CPNE7: variants seen among roughly 807,000 people sequenced by gnomAD.
CPNE7 encodes the protein copine 7.
In CPNE7, 78 loss-of-function variants were observed where a neutral mutation model predicts 66.5. That is an observed-to-expected ratio of 1.17 (90% confidence interval 0.98 to 1.42). The LOEUF is 1.42. Ranked by LOEUF, CPNE7 falls within the 40% of genes most tolerant of loss-of-function variation. The pLI is 0.00. For synonymous variants in CPNE7, 468 were observed against 336.7 expected (o/e 1.39, Z -4.27); for missense variants, 1,012 against 776.6 (o/e 1.30, Z -3.60).
At chr16:89,578,485 C>T (rs762677044) in intron 2 of CPNE7, among the ~76,000 whole-genome samples, 6 of 152,132 alleles carry the variant, frequency 3.9e-5, no homozygotes, top group African/African-American at 1.4e-4. Flanking sequence ...GGTGGCCGGC[C>T]GTGGTGGCTC....
chr16:89,584,404 G>C lies in CPNE7; in HGVS notation c.507+302G>C, dbSNP rs2059003676. Among the ~76,000 whole-genome samples, 1 of 152,264 alleles carries C rather than the reference G, an allele frequency of 6.6e-6. No individual in the cohort carries two copies. Among genetic ancestry groups the C allele is most frequent in the Non-Finnish European group, 1.5e-5 (1 of 68,048 alleles). On this transcript the variant is annotated intron_variant, in intron 4 of 14. Coordinates refer to ENST00000319518, the MANE Select transcript of CPNE7 (RefSeq NM_153636.3). The surrounding 1 kb of genome is among the most constrained non-coding windows in gnomAD (Gnocchi z 6.0). Reference sequence around the variant, plus strand: ...CACCCCCGAGGCCACTGTCGTGACAGGAGGAACTGGAACAGCGCGCGGTTC... The same window carrying C: ...CACCCCCGAGGCCACTGTCGTGACACGAGGAACTGGAACAGCGCGCGGTTC...
intron 14 of CPNE7, chr16:89,596,011 G>A: frequency 2.1e-6 from 1 of 481,356 alleles, no homozygotes; most frequent in Admixed American, 2.5e-5. Flanking sequence ...GGTTCTACCA[G>A]GCAAGACACA....
intron 2 of CPNE7, chr16:89,578,928 C>A: frequency 6.2e-7 from 1 of 1,613,724 alleles, no homozygotes; most frequent in Non-Finnish European, 8.5e-7. Context: ...CTGGACACTG[C>A]GCTAAGCACT....
rs2059101931 is a variant in CPNE7, at chr16:89,587,962, ACAGATACACGG to A, written c.928-711_928-701del. The stretch of plus-strand genomic sequence containing the variant: ...AGATACACGGCCCCCCGTGTTACCC[ACAGATACACGG>A]CCCCCGTGTCACCCACAGATACACG... On this transcript the variant is annotated intron_variant, in intron 9 of 14. Transcript: ENST00000319518. Among the ~76,000 whole-genome samples the A allele has an allele frequency of 2.3e-3, 17 of 7,510 alleles. 5 individuals carry two copies. The highest frequency in any genetic ancestry group is 6.1e-3 in the South Asian group (2 of 326). 4.9% of individuals were successfully genotyped at this position (7,510 alleles called of 152,430 possible).
chr16:89,591,327 C>T (rs529073254), intron 13 of CPNE7, 67 bp downstream of exon 13: 83 of 1,464,824 alleles, frequency 5.7e-5, no homozygotes, highest in African/African-American at 1.1e-4. Flanking sequence ...AGCGCGTGGA[C>T]GTCAGGGAGG....
chr16:89,575,760 G>A lies in CPNE7; in HGVS notation c.-138G>A. The A allele has an allele frequency of 1.8e-6, 1 of 549,576 alleles. No homozygotes were observed. Among genetic ancestry groups the A allele is most frequent in the Non-Finnish European group, 2.3e-6 (1 of 430,802 alleles). 34.0% of individuals were successfully genotyped at this position (549,576 alleles called of 1,614,324 possible). On this transcript the variant is annotated 5_prime_UTR_variant, in exon 1 of 15. It adds an upstream start codon to the 5' untranslated region. Transcript: ENST00000319518. ...CCCGCGCGGCGGCCGCCCGAGCCAC[G>A]TGCGCCCGCGCCCGGCAGGCGTTCA...
chr16:89,595,297 C>A (rs2059235789), intron 13 of CPNE7, 70 bp from the exon 14 acceptor site: 1 of 1,325,852 alleles, frequency 7.5e-7, no homozygotes, highest in East Asian at 2.3e-5. Flanking sequence ...TGTCTGGGGG[C>A]CCGTGGGTTG....
chr16:89,596,498 G>C lies in CPNE7; in HGVS notation c.1554G>C (p.Ala518=). ...CCATCCTCCAGGCATCCCCTGCGGC[G>C]CTGGCCAAGTGCGTGCTGGCCGAGG... The part of the protein sequence containing the change: ...FRELKNASPA[A]LAKCVLAEVP... The change falls in exon 15 of 15, where the codon GCG becomes GCC. Residue 518 remains alanine, a synonymous_variant. Coordinates refer to ENST00000319518, the MANE Select transcript of CPNE7 (RefSeq NM_153636.3). 1 of 1,608,520 alleles carries C rather than the reference G, an allele frequency of 6.2e-7. No individual in the cohort carries two copies.
intron 13 of CPNE7, among the ~76,000 whole-genome samples, chr16:89,594,519 C>G (rs1010468392): frequency 6.6e-6 from 1 of 152,016 alleles, no homozygotes. Flanking sequence ...TGGGCTCCCG[C>G]TCTGCTGCTC....
intron 14 of CPNE7, chr16:89,595,885 G>C: frequency 1.7e-6 from 1 of 596,910 alleles, no homozygotes; most frequent in Non-Finnish European, 3.2e-6. Context: ...CCCCGTTGCT[G>C]CCAACCTCTG....
intron 14 of CPNE7, 144 bp from the exon 15 acceptor site, chr16:89,596,340 C>G (rs978336277): frequency 3.5e-6 from 4 of 1,135,666 alleles, no homozygotes; most frequent in Non-Finnish European, 4.9e-6. Context: ...GCAAGTCTTG[C>G]CCGGCACCCA....
rs891502864 is a variant in CPNE7, at chr16:89,589,965, G to A, written c.1116+14G>A. 10 of 1,613,396 alleles carry A rather than the reference G, an allele frequency of 6.2e-6. No homozygotes were observed. The highest frequency in any genetic ancestry group is 7.6e-6 in the Non-Finnish European group (9 of 1,179,892). On this transcript the variant is annotated intron_variant, in intron 11 of 14. Transcript: ENST00000319518. ...CCCAAGTATGAGGTAGGAGAGCCCA[G>A]AACCTGAGACCTCAGAGCTGTGCCC...
At chr16:89,594,680 T>G (rs1258848930) in intron 13 of CPNE7, among the ~76,000 whole-genome samples, 1 of 131,664 alleles carries the variant, frequency 7.6e-6, no homozygotes, top group Non-Finnish European at 1.6e-5. Flanking sequence ...TTGGAGACAG[T>G]CTCACTCTAT....
chr16:89,593,563 A>G (rs990409665), intron 13 of CPNE7, among the ~76,000 whole-genome samples: 1 of 151,960 alleles, frequency 6.6e-6, no homozygotes, highest in Non-Finnish European at 1.5e-5. Flanking sequence ...TGTGTTAGCC[A>G]GGATGGTCTC....
At chr16:89,578,896 T>A (rs1204596314) in intron 2 of CPNE7, 5 of 1,613,230 alleles carry the variant, frequency 3.1e-6, no homozygotes, top group Non-Finnish European at 4.2e-6. Context: ...GATGAGAGTG[T>A]CTGTTGATGT....
chr16:89,595,908 ACAC>A, intron 14 of CPNE7: 1 of 566,806 alleles, frequency 1.8e-6, no homozygotes, highest in South Asian at 1.5e-5. Flanking sequence ...ACCCGGCGAG[ACAC>A]GCACAGCACA....
At position 89,591,005 on chromosome 16, in the gene CPNE7, A is replaced by G. The variant is rs1181027566; in HGVS notation, c.1117-2A>G. 1 of 1,613,572 alleles carries G rather than the reference A, an allele frequency of 6.2e-7. No individual in the cohort carries two copies. Among genetic ancestry groups the G allele is most frequent in the Non-Finnish European group, 8.5e-7 (1 of 1,179,846 alleles). ...TGACTGAGCCCTCTTGTTCCCACCC[A>G]GGTGTCCCATGACTTTGCCATCAAT... On this transcript the variant is annotated splice_acceptor_variant, in intron 11 of 14. Coordinates refer to ENST00000319518, the MANE Select transcript of CPNE7 (RefSeq NM_153636.3). LOFTEE classifies it high-confidence loss of function.
At chr16:89,590,024 C>T (rs1405199448) in intron 11 of CPNE7, 73 bp downstream of exon 11, 9 of 1,534,746 alleles carry the variant, frequency 5.9e-6, no homozygotes, top group Non-Finnish European at 8.1e-6. Flanking sequence ...GACGGCCTGG[C>T]CCAGGGAGCC....
At chr16:89,595,823 C>T (rs1034916184) in intron 14 of CPNE7, 30 of 677,360 alleles carry the variant, frequency 4.4e-5, no homozygotes, top group Admixed American at 1.4e-4. Flanking sequence ...GTCGAATCTA[C>T]ACAAAAGCAG....
Sources: allele counts gnomAD v4.1 joint callset (sites outside exome capture counted in the v4.1 genomes callset), GRCh38; gene constraint gnomAD v4.1.1; non-coding constraint Gnocchi (gnomAD v3.1); transcripts MANE v1.5; gene names NCBI Gene and HGNC (gene_info 2026-07-23, HGNC 2026-07-21).